Variants in PDHX observed in about 807,000 individuals in gnomAD.
The protein encoded by PDHX is pyruvate dehydrogenase complex component X.
PDHX carries 33 observed loss-of-function variants against 55.3 expected under a neutral mutation model. The ratio of observed to expected loss-of-function variants is 0.60; its 90% CI spans 0.45 to 0.80. The LOEUF is 0.80. Among genes scored for constraint, PDHX ranks in the 30% least tolerant of loss-of-function variants. PDHX has a pLI of 0.00. For missense variants in PDHX, 622 were observed against 619.9 expected, an observed-to-expected ratio of 1.00 and a Z score of -0.04; for synonymous variants, 226 against 219.4, an observed-to-expected ratio of 1.03 and a Z score of -0.27.
At chr11:34,924,474 G>A (rs1031164199) in intron 1 of PDHX, among the ~76,000 whole-genome samples, 5 of 152,140 alleles carry the variant, frequency 3.3e-5, no homozygotes, top group Non-Finnish European at 7.4e-5. Flanking sequence ...ACCCGCCTCA[G>A]CCTCCCAAAG....
At chr11:34,944,548 G>T (rs1343223840) in intron 2 of PDHX, among the ~76,000 whole-genome samples, 1 of 152,114 alleles carries the variant, frequency 6.6e-6, no homozygotes, top group African/African-American at 2.4e-5. Flanking sequence ...ACTTATATTA[G>T]TGTCTCTGAA....
intron 1 of PDHX, among the ~76,000 whole-genome samples, chr11:34,926,397 A>C (rs1998912): frequency 0.6 from 90,445 of 151,978 alleles, 28,106 homozygotes; most frequent in East Asian, 0.74. Context: ...AGAAGAAGCA[A>C]ATTAATGTTA....
intron 3 of PDHX, among the ~76,000 whole-genome samples, chr11:34,951,536 T>C (rs1161238103): frequency 1.3e-5 from 2 of 152,202 alleles, no homozygotes; most frequent in African/African-American, 2.4e-5. Context: ...CACTTTTTGA[T>C]GGGGTTGTTT....
At chr11:34,916,611 G>T, upstream of PDHX, 1 of 1,598,896 alleles carries the variant, frequency 6.3e-7, no homozygotes, top group South Asian at 1.1e-5. Context: ...CCTTGATGCT[G>T]GACATCAGGC....
At chr11:34,978,067 G>C in intron 7 of PDHX, 57 bp from the exon 8 acceptor site, 1 of 893,714 alleles carries the variant, frequency 1.1e-6, no homozygotes, top group South Asian at 1.4e-5. Context: ...AGTTGTAATG[G>C]TCAATGTTAA....
chr11:34,976,355 T>C (rs998302888), intron 7 of PDHX, among the ~76,000 whole-genome samples: 1 of 152,216 alleles, frequency 6.6e-6, no homozygotes, highest in Non-Finnish European at 1.5e-5. Context: ...TCAGTAAATG[T>C]AACAGCATCT....
chr11:34,962,814 A>G (rs1855047125), intron 5 of PDHX, among the ~76,000 whole-genome samples: 1 of 152,194 alleles, frequency 6.6e-6, no homozygotes. Flanking sequence ...CTTAATACAT[A>G]TATGATGCGC....
intron 3 of PDHX, among the ~76,000 whole-genome samples, chr11:34,955,525 T>A (rs1854885094): frequency 6.6e-6 from 1 of 152,202 alleles, no homozygotes; most frequent in Admixed American, 6.5e-5. Flanking sequence ...CCTTGTCCAT[T>A]GTATTTGGGT....
At chr11:34,916,050 T>C, upstream of PDHX, 1 of 802,910 alleles carries the variant, frequency 1.2e-6, no homozygotes, top group Non-Finnish European at 1.9e-6. Flanking sequence ...TCCTGGGGCC[T>C]CGCAGCCTTG....
chr11:34,950,533 AC>A (rs1194295121), intron 3 of PDHX, among the ~76,000 whole-genome samples: 11 of 78,836 alleles, frequency 1.4e-4, no homozygotes, highest in African/African-American at 5.1e-4. Flanking sequence ...CCTTCCCCCC[AC>A]CCCACAACAG....
intron 9 of PDHX, among the ~76,000 whole-genome samples, chr11:34,985,747 A>G (rs1855627186): frequency 6.6e-6 from 1 of 152,162 alleles, no homozygotes; most frequent in East Asian, 1.9e-4. Context: ...CAATTTGTAT[A>G]TTTATAAGGG....
chr11:34,984,562 A>G lies in PDHX; in HGVS notation c.1024-8A>G, dbSNP rs1434126174. The G allele has an allele frequency of 4.3e-6, 7 of 1,613,434 alleles. No homozygotes were observed. Among genetic ancestry groups the G allele is most frequent in the East Asian group, 4.5e-5 (2 of 44,852 alleles). ...TTTTTAGTAACATTTTTCTTTTTCT[A>G]TTTCTAGCAAATGCCAGATGTTAAT... On this transcript the variant is annotated splice_polypyrimidine_tract_variant and splice_region_variant and intron_variant, in intron 8 of 10. Transcript: ENST00000227868.
chr11:34,962,218 TAAG>T (rs1218749864), intron 5 of PDHX, among the ~76,000 whole-genome samples: 1 of 152,178 alleles, frequency 6.6e-6, no homozygotes, highest in Non-Finnish European at 1.5e-5. Flanking sequence ...AAAGATGAGA[TAAG>T]GAGATAAATT....
chr11:34,922,107 A>G (rs1386356113), intron 1 of PDHX, among the ~76,000 whole-genome samples: 1 of 152,220 alleles, frequency 6.6e-6, no homozygotes, highest in Non-Finnish European at 1.5e-5. Context: ...TTCTGTTACC[A>G]CAGCAGAATT....
intron 1 of PDHX, among the ~76,000 whole-genome samples, chr11:34,926,468 C>T (rs1344937451): frequency 5.3e-5 from 8 of 152,120 alleles, no homozygotes; most frequent in Non-Finnish European, 1.0e-4. Context: ...GGTCTATCTT[C>T]ATTTCATGAT....
intron 3 of PDHX, among the ~76,000 whole-genome samples, chr11:34,956,287 A>T (rs1854904486): frequency 6.6e-6 from 1 of 152,044 alleles, no homozygotes; most frequent in Non-Finnish European, 1.5e-5. Context: ...TAGCTTCCTA[A>T]CCCCTTATAA....
intron 1 of PDHX, among the ~76,000 whole-genome samples, chr11:34,925,505 A>G (rs1590728579): frequency 1.3e-5 from 2 of 152,216 alleles, no homozygotes; most frequent in African/African-American, 4.8e-5. Flanking sequence ...TAAAATTAAC[A>G]AAAGCAAACA....
intron 8 of PDHX, among the ~76,000 whole-genome samples, chr11:34,984,314 A>G (rs1855593001): frequency 6.6e-6 from 1 of 152,230 alleles, no homozygotes; most frequent in Non-Finnish European, 1.5e-5. Flanking sequence ...CCCCACCATG[A>G]TATAAAGGAT....
chr11:34,966,887 T>G (rs1855147854), intron 6 of PDHX, 73 bp downstream of exon 6: 1 of 1,358,256 alleles, frequency 7.4e-7, no homozygotes, highest in Non-Finnish European at 1.0e-6. Flanking sequence ...AGTCTTGCAC[T>G]GTCACCCAGG....
Sources: allele counts gnomAD v4.1 joint callset (sites outside exome capture counted in the v4.1 genomes callset), GRCh38; gene constraint gnomAD v4.1.1; transcripts MANE v1.5; gene names NCBI Gene and HGNC (gene_info 2026-07-23, HGNC 2026-07-21).